CRPPA: variants seen among roughly 807,000 people sequenced by gnomAD.
CRPPA encodes CDP-L-ribitol pyrophosphorylase A.
CRPPA carries 43 observed loss-of-function variants against 52.0 expected under a neutral mutation model. The ratio of observed to expected loss-of-function variants is 0.83; its 90% CI spans 0.65 to 1.07. CRPPA has a LOEUF of 1.07. Among genes scored for constraint, CRPPA ranks in the 50% least tolerant of loss-of-function variants. The pLI is 0.00. For synonymous variants in CRPPA, 250 were observed against 203.5 expected (o/e 1.23, Z -1.94); for missense variants, 629 against 551.7 (o/e 1.14, Z -1.40).
rs117793550 is a variant in CRPPA, at chr7:16,352,524, T to A, written c.684+23568A>T. Among the ~76,000 whole-genome samples the A allele has an allele frequency of 6.2e-3, 939 of 152,178 alleles. 5 individuals are homozygous for A. The highest frequency in any genetic ancestry group is 0.024 in the Middle Eastern group (7 of 294). On this transcript the variant is annotated intron_variant, in intron 3 of 9. Transcript: ENST00000407010. ...AAGAAAAATGCTCAACATCTTTAAA[T>A]AGAGAAATGCAAATTCAAACCATAA...
At chr7:16,179,885 G>T (rs115842586) in intron 9 of CRPPA, among the ~76,000 whole-genome samples, 1,555 of 152,164 alleles carry the variant, frequency 0.01, 24 homozygotes, top group African/African-American at 0.035. Context: ...TCCAAAGAAT[G>T]ACCAGCAATA....
intron 9 of CRPPA, among the ~76,000 whole-genome samples, chr7:16,203,227 A>C (rs1781896302): frequency 6.6e-6 from 1 of 152,172 alleles, no homozygotes; most frequent in Non-Finnish European, 1.5e-5. Flanking sequence ...TGCCAAAAAT[A>C]ATAAACATAA....
intron 8 of CRPPA, among the ~76,000 whole-genome samples, chr7:16,256,326 T>C (rs980616741): frequency 2.6e-5 from 4 of 151,858 alleles, no homozygotes; most frequent in African/African-American, 9.7e-5. Context: ...GCTTTTACAC[T>C]GTTGGTGACA....
chr7:16,252,872 G>C (rs921560788), intron 8 of CRPPA, among the ~76,000 whole-genome samples: 1 of 152,154 alleles, frequency 6.6e-6, no homozygotes, highest in Non-Finnish European at 1.5e-5. Flanking sequence ...ATTCCTTCTA[G>C]TTTTGTAGTT....
intron 2 of CRPPA, among the ~76,000 whole-genome samples, chr7:16,388,335 A>G (rs1266356175): frequency 2.6e-5 from 4 of 152,230 alleles, no homozygotes; most frequent in African/African-American, 9.6e-5. Context: ...AACCACTAGC[A>G]AACTTGAAAA....
intron 2 of CRPPA, among the ~76,000 whole-genome samples, chr7:16,384,526 C>A (rs1304722631): frequency 1.3e-5 from 2 of 152,144 alleles, no homozygotes; most frequent in African/African-American, 2.4e-5. Context: ...TAAAGGTGAG[C>A]AATTAGCACA....
intron 1 of CRPPA, among the ~76,000 whole-genome samples, chr7:16,414,674 A>G (rs1363719477): frequency 1.3e-5 from 2 of 152,192 alleles, no homozygotes; most frequent in Non-Finnish European, 2.9e-5. Flanking sequence ...CCCTAATCTC[A>G]GTTTCTTGTT....
chr7:16,283,560 G>A (rs1195957013), intron 5 of CRPPA, among the ~76,000 whole-genome samples: 1 of 151,128 alleles, frequency 6.6e-6, no homozygotes, highest in African/African-American at 2.4e-5. Context: ...ATATGTGTGT[G>A]TGTGTGTGTT....
At chr7:16,377,320 G>C (rs1449202260) in intron 2 of CRPPA, among the ~76,000 whole-genome samples, 3 of 152,162 alleles carry the variant, frequency 2.0e-5, no homozygotes, top group African/African-American at 4.8e-5. Context: ...TGAAGGGTAG[G>C]TCAACTGGTC....
chr7:16,089,286 G>A lies in CRPPA; in HGVS notation c.*2409C>T, dbSNP rs1008955793. The A allele has an allele frequency of 1.1e-5, 4 of 380,038 alleles. No individual in the cohort carries two copies. Among genetic ancestry groups the A allele is most frequent in the Non-Finnish European group, 1.7e-5 (3 of 180,674 alleles). 23.5% of individuals were successfully genotyped at this position (380,038 alleles called of 1,614,324 possible). A position where few individuals can be genotyped will look rare whatever the true frequency, so the allele number is the denominator to read the frequency against. ...TACGTATATACATATATGTGTGTAT[G>A]CGTACGTATATACATATATGTGTGT... On this transcript the variant is annotated 3_prime_UTR_variant, in exon 10 of 10. Transcript: ENST00000407010.
Position 16,284,319 on chromosome 7 carries a change from G to A in CRPPA, c.836-6093C>T, listed in dbSNP as rs376028100. 2.6e-5 allele frequency among the ~76,000 whole-genome samples: 4 copies of A among 152,136 alleles called. No homozygotes were observed. In the East Asian group the frequency reaches 7.7e-4, roughly 29 times the overall value. On this transcript the variant is annotated intron_variant, in intron 5 of 9. Transcript: ENST00000407010. ...TTTTAAAAATAGACATATATAAGGG[G>A]AAGGCAGGAGATGTGTGTAAAAGAC...
chr7:16,387,064 T>TATATATATATATATATATACAC (rs1787296416), intron 2 of CRPPA, among the ~76,000 whole-genome samples: 4 of 73,984 alleles, frequency 5.4e-5, no homozygotes, highest in Non-Finnish European at 8.0e-5. Context: ...TATATATATA[T>TATATATATATATATATATACAC]ATATATATAT....
chr7:16,345,241 T>C (rs975101880), intron 3 of CRPPA, among the ~76,000 whole-genome samples: 4 of 152,186 alleles, frequency 2.6e-5, no homozygotes, highest in Non-Finnish European at 5.9e-5. Flanking sequence ...AACCAAGTAT[T>C]CTATTCCAGC....
chr7:16,123,389 G>T (rs1211770005), intron 9 of CRPPA, among the ~76,000 whole-genome samples: 1 of 152,054 alleles, frequency 6.6e-6, no homozygotes, highest in East Asian at 1.9e-4. Context: ...TCAAATTTCA[G>T]ATAAGTCCAA....
rs143626963 is a variant in CRPPA at position 16,203,255 on chromosome 7, G to A, written c.1251+12811C>T. ...AAACATAATGACCTATTGTTTGGGCGTATCCAGCATCTGTTCCCCATCCTG... is the reference window on the plus strand; with the variant it reads ...AAACATAATGACCTATTGTTTGGGCATATCCAGCATCTGTTCCCCATCCTG... On this transcript the variant is annotated intron_variant, in intron 9 of 9. Transcript: ENST00000407010. Among the ~76,000 whole-genome samples, 587 of 152,166 alleles carry A rather than the reference G, an allele frequency of 3.9e-3. 3 individuals carry two copies. The highest frequency in any genetic ancestry group is 6.1e-3 in the African/African-American group (254 of 41,530).
intron 5 of CRPPA, among the ~76,000 whole-genome samples, chr7:16,294,629 T>G (rs1784634128): frequency 6.6e-6 from 1 of 151,972 alleles, no homozygotes; most frequent in Non-Finnish European, 1.5e-5. Flanking sequence ...CAAAAAATAT[T>G]ATGTATAAAG....
chr7:16,320,115 G>T (rs77500303), intron 3 of CRPPA, among the ~76,000 whole-genome samples: 3,471 of 152,162 alleles, frequency 0.023, 130 homozygotes, highest in African/African-American at 0.076. Context: ...TTCTTTTGAG[G>T]ATTTGTCATT....
At chr7:16,162,135 C>T (rs1780912871) in intron 9 of CRPPA, among the ~76,000 whole-genome samples, 1 of 152,082 alleles carries the variant, frequency 6.6e-6, no homozygotes, top group South Asian at 2.1e-4. Context: ...AAACCAGCTC[C>T]TAGATTCACT....
At chr7:16,305,342 T>C (rs1784884729) in intron 4 of CRPPA, among the ~76,000 whole-genome samples, 1 of 152,170 alleles carries the variant, frequency 6.6e-6, no homozygotes, top group East Asian at 1.9e-4. Context: ...ATAACGTCTA[T>C]CTGTAAGACA....
Sources: allele counts gnomAD v4.1 joint callset (sites outside exome capture counted in the v4.1 genomes callset), GRCh38; gene constraint gnomAD v4.1.1; transcripts MANE v1.5; gene names NCBI Gene and HGNC (gene_info 2026-07-23, HGNC 2026-07-21).